SUGCT: variants seen among roughly 807,000 people sequenced by gnomAD.
The protein encoded by SUGCT is succinyl-CoA:glutarate-CoA transferase, also known as succinyl-CoA:glutarate CoA-transferase.
SUGCT carries 41 observed loss-of-function variants against 55.0 expected under a neutral mutation model. That is an observed-to-expected ratio of 0.74 (90% CI 0.58 to 0.97). SUGCT has a LOEUF of 0.97. Among genes scored for constraint, SUGCT ranks in the 50% least tolerant of loss-of-function variants. The pLI, the probability that SUGCT is intolerant of heterozygous loss-of-function variation, is 0.00. For missense variants in SUGCT, 568 were observed against 547.8 expected, an observed-to-expected ratio of 1.04 and a Z score of -0.37; for synonymous variants, 187 against 200.4, an observed-to-expected ratio of 0.93 and a Z score of 0.56.
the SUGCT span, among the ~76,000 whole-genome samples, chr7:41,021,767 C>T: frequency 6.6e-6 from 1 of 151,808 alleles, no homozygotes; most frequent in Non-Finnish European, 1.5e-5. Context: ...AAAAGGTAGG[C>T]CCCAAAATAC....
At chr7:40,761,211 C>T (rs2128720710) in intron 13 of SUGCT, among the ~76,000 whole-genome samples, 1 of 152,314 alleles carries the variant, frequency 6.6e-6, no homozygotes, top group South Asian at 2.1e-4. Flanking sequence ...CCTGAGGCTG[C>T]CACTGCCAGA....
intron 6 of SUGCT, among the ~76,000 whole-genome samples, chr7:40,234,018 A>G (rs1788869711): frequency 6.6e-6 from 1 of 152,144 alleles, no homozygotes; most frequent in South Asian, 2.1e-4. Flanking sequence ...AATACTTAGA[A>G]GTTGTAATTT....
chr7:40,584,541 A>G (rs1023419949), intron 12 of SUGCT, among the ~76,000 whole-genome samples: 3 of 152,208 alleles, frequency 2.0e-5, no homozygotes, highest in Non-Finnish European at 2.9e-5. Context: ...TCCCATGTGC[A>G]TAGTGATCTA....
At chr7:40,527,323 C>G (rs1293315826) in intron 12 of SUGCT, among the ~76,000 whole-genome samples, 3 of 152,210 alleles carry the variant, frequency 2.0e-5, no homozygotes, top group African/African-American at 7.2e-5. Flanking sequence ...ATTGATAGGT[C>G]TTTGAAAAAT....
intron 9 of SUGCT, among the ~76,000 whole-genome samples, chr7:40,405,987 C>T (rs1786349104): frequency 6.6e-6 from 1 of 152,096 alleles, no homozygotes; most frequent in African/African-American, 2.4e-5. Flanking sequence ...GAGTTTAATA[C>T]TCATAGAGCT....
At chr7:40,179,653 C>G (rs147666520) in intron 1 of SUGCT, among the ~76,000 whole-genome samples, 1 of 152,198 alleles carries the variant, frequency 6.6e-6, no homozygotes. Flanking sequence ...TGGCTTGGCT[C>G]GGCCTGGGTG....
the SUGCT span, among the ~76,000 whole-genome samples, chr7:40,919,534 C>T: frequency 6.6e-6 from 1 of 152,140 alleles, no homozygotes; most frequent in African/African-American, 2.4e-5. Flanking sequence ...GACAGGTTTC[C>T]TCATCCTAGC....
the SUGCT span, among the ~76,000 whole-genome samples, chr7:40,878,858 A>C: frequency 6.6e-6 from 1 of 151,650 alleles, no homozygotes; most frequent in African/African-American, 2.4e-5. Context: ...CAGTGGCGCA[A>C]TATTGGCTCA....
chr7:40,459,101 A>G lies in SUGCT; in HGVS notation c.889A>G (p.Ile297Val). The G allele has an allele frequency of 6.2e-7, 1 of 1,604,512 alleles. No individual in the cohort carries two copies. Among genetic ancestry groups the G allele is most frequent in the Non-Finnish European group, 8.5e-7 (1 of 1,172,796 alleles). The change falls in exon 11 of 14, where the codon ATC (isoleucine) becomes GTC (valine). Residue 297 changes from isoleucine (I) to valine (V), a missense_variant and splice_region_variant. Physicochemically the swap from Ile to Val is conservative, Grantham distance 29. Coordinates refer to ENST00000335693, the MANE Select transcript of SUGCT (RefSeq NM_001193313.2). ...NNQQFATVCK[I>V]LDLPELIDNS... is the part of the protein sequence containing the mutation. ...CTGGAAAATTATTTTTTTCTTTTAG[A>G]TCTTGGATTTGCCTGAGTTGATTGA...
intron 12 of SUGCT, among the ~76,000 whole-genome samples, chr7:40,548,707 T>A (rs1795143888): frequency 6.6e-6 from 1 of 152,148 alleles, no homozygotes; most frequent in Admixed American, 6.5e-5. Flanking sequence ...ATTGTTTACA[T>A]TAGAACTCAC....
the SUGCT span, among the ~76,000 whole-genome samples, chr7:41,029,415 A>G: frequency 6.6e-6 from 1 of 152,098 alleles, no homozygotes; most frequent in Non-Finnish European, 1.5e-5. Context: ...CAGTGTTGTC[A>G]CACCCCCTCC....
chr7:40,139,932 C>T (rs969877001), intron 1 of SUGCT, among the ~76,000 whole-genome samples: 1 of 151,176 alleles, frequency 6.6e-6, no homozygotes, highest in African/African-American at 2.4e-5. Context: ...GATGGAGTTT[C>T]GCTTTTGTTG....
At chr7:40,712,784 T>C (rs563136072) in intron 12 of SUGCT, among the ~76,000 whole-genome samples, 1 of 152,194 alleles carries the variant, frequency 6.6e-6, no homozygotes, top group African/African-American at 2.4e-5. Context: ...CACATCTCCA[T>C]AGAGTTAAAC....
chr7:40,910,513 G>A, the SUGCT span, among the ~76,000 whole-genome samples: 1 of 152,154 alleles, frequency 6.6e-6, no homozygotes, highest in Non-Finnish European at 1.5e-5. Context: ...GTGTGCTGCA[G>A]TGCAAACAGA....
At chr7:40,248,503 T>TA (rs1487513217) in intron 7 of SUGCT, among the ~76,000 whole-genome samples, 1 of 152,192 alleles carries the variant, frequency 6.6e-6, no homozygotes, top group African/African-American at 2.4e-5. Flanking sequence ...ATTTTACTAA[T>TA]ACTGTAACAC....
At chr7:40,898,999 A>G in the SUGCT span, among the ~76,000 whole-genome samples, 5 of 152,166 alleles carry the variant, frequency 3.3e-5, no homozygotes, top group Admixed American at 3.3e-4. Context: ...GGGGGTCTAC[A>G]GCCACGTCCG....
intron 6 of SUGCT, among the ~76,000 whole-genome samples, chr7:40,204,562 A>T (rs1404180299): frequency 6.6e-6 from 1 of 151,416 alleles, no homozygotes; most frequent in African/African-American, 2.4e-5. Context: ...TCGGCCTCCC[A>T]AAGTGCTGGG....
intron 12 of SUGCT, among the ~76,000 whole-genome samples, chr7:40,586,211 A>T (rs1797369995): frequency 6.6e-6 from 1 of 152,174 alleles, no homozygotes; most frequent in African/African-American, 2.4e-5. Flanking sequence ...TTTAAGTGTT[A>T]GGCAATGTTT....
intron 7 of SUGCT, among the ~76,000 whole-genome samples, chr7:40,269,327 T>G (rs1192920897): frequency 1.3e-5 from 2 of 152,112 alleles, no homozygotes; most frequent in East Asian, 3.9e-4. Flanking sequence ...TATTTATTTA[T>G]TTATTTATTT....
Sources: allele counts gnomAD v4.1 joint callset (sites outside exome capture counted in the v4.1 genomes callset), GRCh38; gene constraint gnomAD v4.1.1; transcripts MANE v1.5; gene names NCBI Gene and HGNC (gene_info 2026-07-23, HGNC 2026-07-21).